GLB1: variants seen among roughly 807,000 people sequenced by gnomAD.
GLB1 encodes the protein beta-galactosidase.
A neutral mutation model predicts 74.0 loss-of-function variants in GLB1; 56 were observed. The observed-to-expected ratio is 0.76, with a 90% CI of 0.61 to 0.94. The LOEUF is 0.94. Ranked by LOEUF, GLB1 falls within the 40% of genes least tolerant of loss-of-function variation. The pLI is 0.00. For synonymous variants in GLB1, 323 were observed against 323.6 expected (o/e 1.00, Z 0.02); for missense variants, 787 against 845.5 (o/e 0.93, Z 0.86).
chr3:32,970,161 T>C, the GLB1 span, among the ~76,000 whole-genome samples: 1 of 152,200 alleles, frequency 6.6e-6, no homozygotes, highest in East Asian at 1.9e-4. Context: ...AGGACTTAAC[T>C]TGACTATTAA....
At chr3:33,001,682 G>A (rs538334465) in intron 15 of GLB1, among the ~76,000 whole-genome samples, 5 of 152,286 alleles carry the variant, frequency 3.3e-5, no homozygotes, top group Non-Finnish European at 7.3e-5. Context: ...GAGATTCTCC[G>A]CACGCAGGAG....
intron 15 of GLB1, among the ~76,000 whole-genome samples, chr3:33,002,821 C>A (rs894313241): frequency 6.6e-6 from 1 of 152,100 alleles, no homozygotes; most frequent in African/African-American, 2.4e-5. Context: ...TGAAAGAAAA[C>A]ATTTAGACAC....
chr3:33,010,723 T>C (rs1200566495), intron 15 of GLB1, among the ~76,000 whole-genome samples: 2 of 152,326 alleles, frequency 1.3e-5, no homozygotes, highest in East Asian at 1.9e-4. Flanking sequence ...TAACCCAAGA[T>C]CATGGAGATT....
chr3:33,066,384 G>C (rs750156013), intron 4 of GLB1, among the ~76,000 whole-genome samples: 3 of 152,140 alleles, frequency 2.0e-5, no homozygotes, highest in Non-Finnish European at 2.9e-5. Context: ...TAAGAAGAGG[G>C]AGAGAGATCT....
At chr3:33,091,134 A>G (rs1413326023) in intron 1 of GLB1, 2 of 985,358 alleles carry the variant, frequency 2.0e-6, no homozygotes, top group Admixed American at 1.2e-4. Flanking sequence ...GATGATTCAC[A>G]AAATGCGGTC....
At chr3:33,077,416 C>T (rs902978051) in intron 1 of GLB1, 10 of 938,010 alleles carry the variant, frequency 1.1e-5, no homozygotes, top group African/African-American at 8.2e-5. Context: ...ATGAAAGAGA[C>T]ACACCTGCTC....
At position 33,093,658 on chromosome 3, in the gene GLB1, C is replaced by T. The variant is rs1246580138; in HGVS notation, c.75+3353G>A. The T allele has an allele frequency of 5.0e-6, 8 of 1,614,160 alleles. No homozygotes were observed. The highest frequency in any genetic ancestry group is 6.8e-6 in the Non-Finnish European group (8 of 1,180,038). ...GGGGGCTGCGCGGCATTCAGAATCC[C>T]GGCCACGCTGAGCACAGCAGTCACT... On this transcript the variant is annotated intron_variant, in intron 1 of 15. Transcript: ENST00000307363. The surrounding 1 kb of genome is among the most constrained non-coding windows in gnomAD (Gnocchi z 6.0).
At chr3:33,077,765 G>A (rs1334249798) in intron 1 of GLB1, among the ~76,000 whole-genome samples, 1 of 149,726 alleles carries the variant, frequency 6.7e-6, no homozygotes, top group Non-Finnish European at 1.5e-5. Context: ...TACCGATTCT[G>A]TAAAAATACT....
chr3:33,028,331 T>C (rs895551048), intron 10 of GLB1, among the ~76,000 whole-genome samples: 3 of 152,180 alleles, frequency 2.0e-5, no homozygotes, highest in Non-Finnish European at 4.4e-5. Context: ...TAAAGAAAGT[T>C]TATCTTCCTT....
At chr3:32,966,607 C>T in the GLB1 span, among the ~76,000 whole-genome samples, 7 of 152,100 alleles carry the variant, frequency 4.6e-5, no homozygotes, top group African/African-American at 1.7e-4. Flanking sequence ...GTTGAAAAGG[C>T]ATGATTGGCT....
At chr3:32,997,929 C>T (rs1404734626) in intron 15 of GLB1, among the ~76,000 whole-genome samples, 2 of 152,158 alleles carry the variant, frequency 1.3e-5, no homozygotes, top group Non-Finnish European at 1.5e-5. Flanking sequence ...CAAAACAACC[C>T]CTCAAGAGGG....
the GLB1 span, among the ~76,000 whole-genome samples, chr3:32,988,185 C>CA: frequency 0.36 from 21,405 of 59,890 alleles, 3,410 homozygotes; most frequent in Non-Finnish European, 0.41. Context: ...GACTCCATCT[C>CA]AAAAAAAAAA....
intron 1 of GLB1, chr3:33,091,789 C>G (rs1700774535): frequency 7.1e-6 from 7 of 985,500 alleles, no homozygotes; most frequent in Non-Finnish European, 8.4e-6. Flanking sequence ...GACTTTCCAT[C>G]ACAAGCCTAA....
At chr3:33,043,080 ACAAAT>A (rs1698570392) in intron 10 of GLB1, among the ~76,000 whole-genome samples, 2 of 152,266 alleles carry the variant, frequency 1.3e-5, no homozygotes, top group South Asian at 4.1e-4. Flanking sequence ...ATAATAACAT[ACAAAT>A]CAAGAGGGCT....
chr3:33,074,365 G>GAAAGAAAGAAAGA (rs1559412830), intron 1 of GLB1, among the ~76,000 whole-genome samples: 135 of 10,044 alleles, frequency 0.013, 12 homozygotes, highest in African/African-American at 0.037. Context: ...AGGAAGGAAG[G>GAAAGAAAGAAAGA]AAGGAAGGAA....
At position 32,996,903 on chromosome 3, in the gene GLB1, G is replaced by C. The variant is rs1211508892; in HGVS notation, c.*142C>G. The stretch of plus-strand genomic sequence containing the variant: ...GAAGGTGGGGCTTTGGCACTGCAGG[G>C]ATGCAGGGAAACCTCAGGTGAAAAT... On this transcript the variant is annotated 3_prime_UTR_variant, in exon 16 of 16. Coordinates refer to ENST00000307363, the MANE Select transcript of GLB1 (RefSeq NM_000404.4). 6.7e-7 allele frequency: 1 copy of C among 1,499,246 alleles called. No individual in the cohort carries two copies. The highest frequency in any genetic ancestry group is 9.1e-7 in the Non-Finnish European group (1 of 1,100,252). 92.9% of individuals were successfully genotyped at this position (1,499,246 alleles called of 1,614,324 possible).
intron 15 of GLB1, among the ~76,000 whole-genome samples, chr3:33,013,168 T>C (rs1337855938): frequency 1.3e-5 from 2 of 152,204 alleles, no homozygotes; most frequent in Non-Finnish European, 2.9e-5. Context: ...CCCAGGAACA[T>C]GCTTTCTTCC....
rs142841932 is a variant in GLB1, at chr3:33,061,373, C to T, written c.553-3104G>A. Among the ~76,000 whole-genome samples, 4 of 152,252 alleles carry T rather than the reference C, an allele frequency of 2.6e-5. No homozygotes were observed. The East Asian group carries it at 7.7e-4, about 29-fold the overall frequency. On this transcript the variant is annotated intron_variant, in intron 5 of 15. Coordinates refer to ENST00000307363, the MANE Select transcript of GLB1 (RefSeq NM_000404.4). ...AGGTTGCCATGAGCAGAGATTGCGC[C>T]ACTGGATTCCAGCCTGGGTGACAGA...
the GLB1 span, among the ~76,000 whole-genome samples, chr3:32,981,065 T>C: frequency 8.6e-6 from 1 of 116,444 alleles, no homozygotes; most frequent in African/African-American, 3.3e-5. Flanking sequence ...CACTCCAGCC[T>C]GGGCAACAAA....
Sources: gnomAD v4.1 joint callset for allele counts (sites outside exome capture counted in the v4.1 genomes callset) on GRCh38, gnomAD v4.1.1 for gene constraint, Gnocchi (gnomAD v3.1) non-coding constraint, MANE v1.5 for transcripts, NCBI Gene and HGNC (gene_info 2026-07-23, HGNC 2026-07-21) for gene names.